The following PRICKLE1 variants were observed in gnomAD, a reference collection of about 807,000 sequenced individuals.
PRICKLE1 encodes the protein prickle planar cell polarity protein 1, also known as prickle-like protein 1.
Under a neutral mutation model 70.2 loss-of-function variants are expected in PRICKLE1, and 14 were observed. The observed-to-expected ratio is 0.20, with a 90% CI of 0.13 to 0.31. The LOEUF (loss-of-function observed/expected upper bound fraction) is 0.31. Among genes scored for constraint, PRICKLE1 ranks in the 10% least tolerant of loss-of-function variants. The pLI is 1.00. For synonymous variants in PRICKLE1, 357 were observed against 379.9 expected, an observed-to-expected ratio of 0.94 and a Z score of 0.70; for missense variants, 821 against 1,026.2, an observed-to-expected ratio of 0.80 and a Z score of 2.73.
Position 42,589,641 on chromosome 12 carries a change from C to CG in PRICKLE1, c.-226dup, listed in dbSNP as rs1941047531. ...TCTCCGTGCCGACCGCGGCGCGTCT[C>CG]GGGGAAGTCAGCGCAGGCTGCGCGA... On this transcript the variant is annotated 5_prime_UTR_variant, in exon 1 of 8. Coordinates refer to ENST00000345127, the MANE Select transcript of PRICKLE1 (RefSeq NM_153026.3). This position sits in a 1 kb window ranked among gnomAD's most constrained non-coding sequence, Gnocchi z 5.0. The CG allele has an allele frequency of 6.6e-6, 1 of 152,196 alleles. No homozygotes were observed. Among genetic ancestry groups the CG allele is most frequent in the Non-Finnish European group, 1.5e-5 (1 of 68,026 alleles). 9.4% of individuals were successfully genotyped at this position (152,196 alleles called of 1,614,324 possible). A position where few individuals can be genotyped will look rare whatever the true frequency, so the allele number is the denominator to read the frequency against.
intron 1 of PRICKLE1, among the ~76,000 whole-genome samples, chr12:42,512,883 T>C (rs535525188): frequency 6.6e-6 from 1 of 152,154 alleles, no homozygotes; most frequent in Non-Finnish European, 1.5e-5. Context: ...AGGCATTGAC[T>C]TCTCTTCTCA....
At chr12:42,491,011 A>G (rs1015983101) in intron 1 of PRICKLE1, among the ~76,000 whole-genome samples, 1 of 151,494 alleles carries the variant, frequency 6.6e-6, no homozygotes, top group Admixed American at 6.6e-5. Context: ...CTTAGCTGGG[A>G]TTACAGGTAT....
intron 1 of PRICKLE1, among the ~76,000 whole-genome samples, chr12:42,564,266 A>AG: frequency 8.0e-6 from 1 of 124,502 alleles, no homozygotes; most frequent in Non-Finnish European, 1.7e-5. Context: ...AAAAAAAAAA[A>AG]AAAAAAGAAA....
chr12:42,495,095 G>C (rs148943209), intron 1 of PRICKLE1, among the ~76,000 whole-genome samples: 2 of 151,580 alleles, frequency 1.3e-5, no homozygotes, highest in African/African-American at 2.4e-5. Flanking sequence ...GGGCCTTGGC[G>C]TGGTTGCTCA....
chr12:42,555,415 C>A (rs149605826), intron 1 of PRICKLE1, among the ~76,000 whole-genome samples: 1 of 152,074 alleles, frequency 6.6e-6, no homozygotes, highest in Non-Finnish European at 1.5e-5. Flanking sequence ...GTTATAGATG[C>A]GAAAAACAAT....
rs150803544 is a variant in PRICKLE1, at chr12:42,504,648, C to T, written c.-48-32084G>A. On this transcript the variant is annotated intron_variant, in intron 1 of 7. Coordinates refer to ENST00000345127, the MANE Select transcript of PRICKLE1 (RefSeq NM_153026.3). ...GGGGCAATAATTCATTGGAAGGATA[C>T]AGAGGTGTCTCAGGCTAACACAAGG... is the stretch of plus-strand genomic sequence containing the variant. Among the ~76,000 whole-genome samples the T allele has an allele frequency of 2.4e-3, 373 of 152,266 alleles. 2 individuals are homozygous for T. Among genetic ancestry groups the T allele is most frequent in the African/African-American group, 8.5e-3 (354 of 41,544 alleles).
At chr12:42,486,298 T>A (rs746303456) in intron 1 of PRICKLE1, among the ~76,000 whole-genome samples, 2 of 152,252 alleles carry the variant, frequency 1.3e-5, no homozygotes, top group Non-Finnish European at 2.9e-5. Context: ...GTCTTTCTCC[T>A]TTCCTAGAAG....
At chr12:42,552,142 C>G (rs1940329383) in intron 1 of PRICKLE1, among the ~76,000 whole-genome samples, 1 of 150,688 alleles carries the variant, frequency 6.6e-6, no homozygotes, top group Non-Finnish European at 1.5e-5. Context: ...CCTCGGCTCA[C>G]TACAACCTCT....
At chr12:42,475,047 T>G (rs553656317) in intron 1 of PRICKLE1, among the ~76,000 whole-genome samples, 1 of 152,346 alleles carries the variant, frequency 6.6e-6, no homozygotes, top group Admixed American at 6.5e-5. Context: ...AGTAAATTAC[T>G]ATCCTAATCA....
chr12:42,505,585 A>G (rs1939394059), intron 1 of PRICKLE1, among the ~76,000 whole-genome samples: 1 of 152,030 alleles, frequency 6.6e-6, no homozygotes, highest in African/African-American at 2.4e-5. Flanking sequence ...ACAGGCACGC[A>G]CCACCATGTC....
intron 1 of PRICKLE1, among the ~76,000 whole-genome samples, chr12:42,555,472 A>T (rs1387827797): frequency 6.6e-6 from 1 of 152,172 alleles, no homozygotes; most frequent in Admixed American, 6.5e-5. Context: ...GTTTCTTTTC[A>T]TTGCTTTTCT....
rs2120475481 is a variant in PRICKLE1 at position 42,521,470 on chromosome 12, TGGGA to T, written c.-48-48910_-48-48907del. On this transcript the variant is annotated intron_variant, in intron 1 of 7. Coordinates refer to ENST00000345127, the MANE Select transcript of PRICKLE1 (RefSeq NM_153026.3). ...ATCCCAGCACTTTGGGAGGCCGAGG[TGGGA>T]GGATCACTTGAGCCTAGGAGTTTCA... is the stretch of plus-strand genomic sequence containing the variant. 3.3e-5 allele frequency among the ~76,000 whole-genome samples: 5 copies of T among 151,894 alleles called. 1 individual carries two copies. The highest frequency in any genetic ancestry group is 1.2e-4 in the African/African-American group (5 of 41,440).
intron 1 of PRICKLE1, among the ~76,000 whole-genome samples, chr12:42,521,929 GGTGTGTGTGTGTGTGTGTGTGT>G (rs72169209): frequency 0.39 from 54,721 of 139,878 alleles, 11,166 homozygotes; most frequent in East Asian, 0.55. Flanking sequence ...GTTTGTTTTT[GGTGTGTGTGTGTGTGTGTGTGT>G]GTGTGTGTGT....
At chr12:42,555,712 T>A (rs1190540033) in intron 1 of PRICKLE1, among the ~76,000 whole-genome samples, 1 of 152,194 alleles carries the variant, frequency 6.6e-6, no homozygotes, top group Admixed American at 6.5e-5. Context: ...TATAATACAT[T>A]CTAAATATTT....
chr12:42,581,031 G>GA (rs925981390), intron 1 of PRICKLE1, among the ~76,000 whole-genome samples: 8 of 152,126 alleles, frequency 5.3e-5, no homozygotes, highest in African/African-American at 1.9e-4. Flanking sequence ...ACAAATTTTG[G>GA]AATGAGAAGG....
intron 1 of PRICKLE1, among the ~76,000 whole-genome samples, chr12:42,484,673 A>C (rs1320008706): frequency 6.6e-6 from 1 of 152,232 alleles, no homozygotes; most frequent in Non-Finnish European, 1.5e-5. Flanking sequence ...AGTGAATATC[A>C]TTATTCAAAC....
intron 1 of PRICKLE1, among the ~76,000 whole-genome samples, chr12:42,536,200 T>C (rs113156899): frequency 0.011 from 1,661 of 152,280 alleles, 27 homozygotes; most frequent in African/African-American, 0.035. Flanking sequence ...CAGAAAGACT[T>C]AGACACTGGA....
At chr12:42,533,391 C>T (rs570603831) in intron 1 of PRICKLE1, among the ~76,000 whole-genome samples, 5 of 152,214 alleles carry the variant, frequency 3.3e-5, no homozygotes, top group African/African-American at 9.6e-5. Context: ...CTTTGTTCTG[C>T]GTTTCATACC....
At chr12:42,537,315 T>C (rs985867823) in intron 1 of PRICKLE1, among the ~76,000 whole-genome samples, 2 of 151,972 alleles carry the variant, frequency 1.3e-5, no homozygotes, top group African/African-American at 2.4e-5. Flanking sequence ...TGCACCACCA[T>C]GCTCAGCTAA....
Sources: allele counts gnomAD v4.1 joint callset (sites outside exome capture counted in the v4.1 genomes callset), GRCh38; gene constraint gnomAD v4.1.1; non-coding constraint Gnocchi (gnomAD v3.1); transcripts MANE v1.5; gene names NCBI Gene and HGNC (gene_info 2026-07-23, HGNC 2026-07-21).